PTCHD4: variants seen among roughly 807,000 people sequenced by gnomAD.
PTCHD4 encodes the protein patched domain-containing protein 4.
PTCHD4 carries 33 observed loss-of-function variants against 58.1 expected under a neutral mutation model. That is an observed-to-expected ratio of 0.57 (90% CI 0.43 to 0.76). The LOEUF (loss-of-function observed/expected upper bound fraction) is 0.76, where lower values mean the gene tolerates loss of function less well. Among genes scored for constraint, PTCHD4 ranks in the 30% least tolerant of loss-of-function variants. PTCHD4 has a pLI of 0.00. For missense variants in PTCHD4, 1,058 were observed against 1,027.1 expected, an observed-to-expected ratio of 1.03 and a Z score of -0.41; for synonymous variants, 478 against 409.6, an observed-to-expected ratio of 1.17 and a Z score of -2.02.
rs1048313004 is a variant in PTCHD4 at position 48,044,208 on chromosome 6, T to A, written c.417+24022A>T. On this transcript the variant is annotated intron_variant, in intron 3 of 4. Coordinates refer to ENST00000339488, the MANE Select transcript of PTCHD4 (RefSeq NM_001384253.1). ...TGCATGAAAGAGGAAGAATCTGACA[T>A]TTTCTACTCCCTCCTGTCAGAAAGT... Among the ~76,000 whole-genome samples, 78 of 151,984 alleles carry A rather than the reference T, an allele frequency of 5.1e-4. 1 individual carries two copies. The highest frequency in any genetic ancestry group is 4.8e-3 in the Admixed American group (73 of 15,204).
At chr6:47,973,532 G>A (rs143886918) in intron 4 of PTCHD4, among the ~76,000 whole-genome samples, 2 of 152,280 alleles carry the variant, frequency 1.3e-5, no homozygotes, top group African/African-American at 2.4e-5. Context: ...GGAGCCAGAC[G>A]GCACCAACAG....
At chr6:47,913,893 T>G (rs537792015) in intron 4 of PTCHD4, among the ~76,000 whole-genome samples, 8 of 152,264 alleles carry the variant, frequency 5.3e-5, no homozygotes, top group African/African-American at 1.9e-4. Flanking sequence ...AAAAAGCATC[T>G]AGGCAATTCT....
chr6:48,041,199 G>A (rs1229668407), intron 3 of PTCHD4, among the ~76,000 whole-genome samples: 2 of 152,010 alleles, frequency 1.3e-5, no homozygotes, highest in Admixed American at 1.3e-4. Flanking sequence ...CTCCACCCAG[G>A]TGAGAATGTA....
chr6:47,934,493 C>A (rs72867978), intron 4 of PTCHD4, among the ~76,000 whole-genome samples: 1 of 151,534 alleles, frequency 6.6e-6, no homozygotes, highest in East Asian at 1.9e-4. Context: ...CACATCTTAC[C>A]GATCTAAATC....
intron 3 of PTCHD4, among the ~76,000 whole-genome samples, chr6:48,010,242 T>C (rs1489000594): frequency 6.6e-6 from 1 of 152,170 alleles, no homozygotes; most frequent in Non-Finnish European, 1.5e-5. Flanking sequence ...GTGTGTCAAC[T>C]GAACCTGCCA....
chr6:47,970,616 A>G (rs889993759), intron 4 of PTCHD4, among the ~76,000 whole-genome samples: 3 of 152,134 alleles, frequency 2.0e-5, no homozygotes, highest in Non-Finnish European at 4.4e-5. Flanking sequence ...AGTACAGTGG[A>G]GGTCTGAAAT....
At chr6:47,921,976 GAA>G (rs1765446793) in intron 4 of PTCHD4, among the ~76,000 whole-genome samples, 1 of 149,346 alleles carries the variant, frequency 6.7e-6, no homozygotes, top group Non-Finnish European at 1.5e-5. Context: ...GAAAAGAAAA[GAA>G]AAGAAAAGAA....
rs755239927 is a variant in PTCHD4 at position 47,879,763 on chromosome 6, T to C, written c.1072A>G (p.Ile358Val). Residue 358 changes from isoleucine to valine, a missense_variant, in exon 5 of 5, where the codon ATA becomes GTA. Ile to Val is a conservative substitution (Grantham distance 29, BLOSUM62 3). Coordinates refer to ENST00000339488, the MANE Select transcript of PTCHD4 (RefSeq NM_001384253.1). ...TGACAGAAGACCTTCACAGCCTCTA[T>C]GTTTGTGAATGGGCTGGCACCCATG... ...FGMGASPFTN[I>V]EAVKVFCQNM... 1.2e-6 allele frequency: 2 copies of C among 1,613,672 alleles called. No homozygotes were observed. The highest frequency in any genetic ancestry group is 1.7e-6 in the Non-Finnish European group (2 of 1,179,752).
At chr6:48,085,492 C>T (rs1765246347) in intron 1 of PTCHD4, among the ~76,000 whole-genome samples, 1 of 152,164 alleles carries the variant, frequency 6.6e-6, no homozygotes, top group African/African-American at 2.4e-5. Context: ...AGTTGATCAT[C>T]AAGAACCAAG....
intron 4 of PTCHD4, among the ~76,000 whole-genome samples, chr6:47,892,676 C>A (rs1391372304): frequency 1.3e-5 from 2 of 152,194 alleles, no homozygotes; most frequent in East Asian, 3.8e-4. Context: ...ACTTTGCAAA[C>A]TTAGATTATG....
In PTCHD4 at chr6:47,874,552, C is replaced by G. The variant is rs114747353; in HGVS notation, c.*3751G>C. Among the ~76,000 whole-genome samples, 5,637 of 151,808 alleles carry G rather than the reference C, an allele frequency of 0.037. 158 individuals are homozygous for G. Among genetic ancestry groups the G allele is most frequent in the Non-Finnish European group, 0.048 (3,242 of 67,792 alleles). ...CTAACCACAAGCCTAGAAGGATTAG[C>G]TTATTACGGGGAAATGTGATAGATA... is the stretch of plus-strand genomic sequence containing the variant. On this transcript the variant is annotated 3_prime_UTR_variant, in exon 5 of 5. Transcript: ENST00000339488.
intron 4 of PTCHD4, among the ~76,000 whole-genome samples, chr6:47,920,196 A>G (rs1426014894): frequency 6.6e-6 from 1 of 152,216 alleles, no homozygotes; most frequent in East Asian, 1.9e-4. Context: ...GACCAAAGGT[A>G]CCACAGGACA....
rs545761451 is a variant in PTCHD4, at chr6:48,110,294, T to C, written c.-970+755A>G. Among the ~76,000 whole-genome samples, 30 of 152,282 alleles carry C rather than the reference T, an allele frequency of 2.0e-4. No individual in the cohort carries two copies. The South Asian group carries it at 5.8e-3, about 29-fold the overall frequency. On this transcript the variant is annotated intron_variant, in intron 1 of 4. Coordinates refer to ENST00000339488, the MANE Select transcript of PTCHD4 (RefSeq NM_001384253.1). Reference sequence around the variant, plus strand: ...AAATACTATTTAGTCTTTGGAAAGATAGAGATTCTGACATTTGTGACAACA... The same window carrying C: ...AAATACTATTTAGTCTTTGGAAAGACAGAGATTCTGACATTTGTGACAACA...
rs1051124918 is a variant in PTCHD4, at chr6:47,904,392, A to G, written c.899-24456T>C. 5.9e-5 allele frequency among the ~76,000 whole-genome samples: 9 copies of G among 152,370 alleles called. No individual in the cohort carries two copies. In the South Asian group the frequency reaches 1.7e-3, roughly 28 times the overall value. On this transcript the variant is annotated intron_variant, in intron 4 of 4. Transcript: ENST00000339488. The stretch of plus-strand genomic sequence containing the variant: ...TTTTGGAAATAAATTTTGTTGGAAC[A>G]CAGTCACACTCATTCATTTACATAT...
chr6:47,876,702 A>T lies in PTCHD4; in HGVS notation c.*1601T>A, dbSNP rs1410119545. Reference sequence around the variant, plus strand: ...CTAGCAGATTTTATAATCATCGGACATTTATTCTGTCCTACCTGGAAATAA... The same window carrying T: ...CTAGCAGATTTTATAATCATCGGACTTTTATTCTGTCCTACCTGGAAATAA... On this transcript the variant is annotated 3_prime_UTR_variant, in exon 5 of 5. Coordinates refer to ENST00000339488, the MANE Select transcript of PTCHD4 (RefSeq NM_001384253.1). Among the ~76,000 whole-genome samples the T allele has an allele frequency of 5.3e-5, 8 of 152,024 alleles. No individual in the cohort carries two copies. Among genetic ancestry groups the T allele is most frequent in the Non-Finnish European group, 1.0e-4 (7 of 67,962 alleles).
chr6:47,890,840 T>C, intron 4 of PTCHD4: 2 of 955,116 alleles, frequency 2.1e-6, no homozygotes, highest in African/African-American at 3.5e-5. Flanking sequence ...CTCTCTCTCT[T>C]TCCCTGCTAA....
chr6:47,868,960 A>G lies in PTCHD4; in HGVS notation c.*9343T>C, dbSNP rs888744122. 5.3e-5 allele frequency among the ~76,000 whole-genome samples: 8 copies of G among 151,742 alleles called. No individual in the cohort carries two copies. Among genetic ancestry groups the G allele is most frequent in the African/African-American group, 1.9e-4 (8 of 41,380 alleles). ...CCTTGTTTTTAAGAAAACATACGGC[A>G]AACTATATAAAATGAAATATTACTA... On this transcript the variant is annotated 3_prime_UTR_variant, in exon 5 of 5. Transcript: ENST00000339488.
intron 3 of PTCHD4, among the ~76,000 whole-genome samples, chr6:48,063,582 G>A (rs1764703061): frequency 1.3e-5 from 2 of 152,104 alleles, no homozygotes; most frequent in African/African-American, 4.8e-5. Context: ...GGGACTTCAA[G>A]GAAGTCAACC....
intron 3 of PTCHD4, among the ~76,000 whole-genome samples, chr6:48,011,585 C>T (rs1244532183): frequency 6.6e-6 from 1 of 152,126 alleles, no homozygotes; most frequent in African/African-American, 2.4e-5. Context: ...AATTAGATCC[C>T]ATTTGTCAAT....
Sources: gnomAD v4.1 joint callset for allele counts (sites outside exome capture counted in the v4.1 genomes callset) on GRCh38, gnomAD v4.1.1 for gene constraint, MANE v1.5 for transcripts, NCBI Gene and HGNC (gene_info 2026-07-23, HGNC 2026-07-21) for gene names.